Variants in WDR1 observed in about 807,000 individuals in gnomAD.
WDR1 encodes WD repeat domain 1.
A neutral mutation model predicts 71.9 loss-of-function variants in WDR1; 21 were observed. The ratio of observed to expected loss-of-function variants is 0.29; its 90% CI spans 0.21 to 0.42. WDR1 has a LOEUF of 0.42. Ranked by LOEUF, WDR1 falls within the 10% of genes least tolerant of loss-of-function variation. WDR1 has a pLI of 1.00. For synonymous variants in WDR1, 424 were observed against 347.4 expected, an observed-to-expected ratio of 1.22 and a Z score of -2.45; for missense variants, 696 against 824.5, an observed-to-expected ratio of 0.84 and a Z score of 1.91.
At chr4:10,099,170 G>GTT in intron 3 of WDR1, 31 bp from the exon 4 acceptor site, 19 of 801,924 alleles carry the variant, frequency 2.4e-5, no homozygotes, top group Non-Finnish European at 3.3e-5. Context: ...GGGAGGGGGG[G>GTT]AGGCGGTGGT....
In WDR1 at chr4:10,088,759, C is replaced by T; in HGVS notation, c.559-18G>A. 2 of 1,576,860 alleles carry T rather than the reference C, an allele frequency of 1.3e-6. No individual in the cohort carries two copies. The highest frequency in any genetic ancestry group is 1.7e-4 in the Middle Eastern group (1 of 6,022). Reference sequence around the variant, plus strand: ...CTGTGGTCCTGCAGGAAAACAATTACCTGCCTGATGAGGGGCCGCAGGCCT... The same window carrying T: ...CTGTGGTCCTGCAGGAAAACAATTATCTGCCTGATGAGGGGCCGCAGGCCT... On this transcript the variant is annotated intron_variant, in intron 5 of 14. Transcript: ENST00000499869.
intron 11 of WDR1, among the ~76,000 whole-genome samples, 172 bp from the exon 12 acceptor site, chr4:10,079,173 C>T (rs1284977137): frequency 2.6e-5 from 4 of 152,192 alleles, no homozygotes; most frequent in Non-Finnish European, 2.9e-5. Context: ...ACTCATGTCC[C>T]GTTTGACAGT....
At chr4:10,103,736 A>C (rs1712843930) in intron 3 of WDR1, among the ~76,000 whole-genome samples, 160 bp downstream of exon 3, 1 of 152,062 alleles carries the variant, frequency 6.6e-6, no homozygotes, top group Admixed American at 6.5e-5. Flanking sequence ...AGCTGAAACT[A>C]ATTATACTGG....
chr4:10,115,662 G>A lies in WDR1; in HGVS notation c.138+451C>T, dbSNP rs141312564. ...GAGAGTGGTCATCATCTCATCATCT[G>A]TTTTACAGACGAGAAAACTGGGGCT... On this transcript the variant is annotated intron_variant, in intron 2 of 14. Transcript: ENST00000499869. 48 of 155,012 alleles carry A rather than the reference G, an allele frequency of 3.1e-4. 2 individuals carry two copies. In the East Asian group the frequency reaches 9.0e-3, roughly 29 times the overall value. 9.6% of individuals were successfully genotyped at this position (155,012 alleles called of 1,614,324 possible). A position where few individuals can be genotyped will look rare whatever the true frequency, so the allele number is the denominator to read the frequency against.
At chr4:10,116,472 C>G (rs1480627639) in intron 1 of WDR1, 179 bp downstream of exon 1, 2 of 727,636 alleles carry the variant, frequency 2.7e-6, no homozygotes, top group Non-Finnish European at 3.8e-6. Context: ...TGGGGGCGCA[C>G]CCCCCGTCGG....
At position 10,077,111 on chromosome 4, in the gene WDR1, G is replaced by C. The variant is rs548522964; in HGVS notation, c.1714+193C>G. The C allele has an allele frequency of 1.0e-5, 8 of 803,778 alleles. No homozygotes were observed. In the African/African-American group the frequency reaches 1.0e-4, roughly 10 times the overall value. The allele number at this position is 803,778 out of a possible 1,614,324, so 49.8% of individuals were successfully genotyped here. A position where few individuals can be genotyped will look rare whatever the true frequency, so the allele number is the denominator to read the frequency against. On this transcript the variant is annotated intron_variant, in intron 14 of 14. Transcript: ENST00000499869. ...GTGTCCTGTGCATGGGGCCCCCGTG[G>C]TCCCTCAGTACGGCCAGCAGCGCAG...
At chr4:10,084,284 A>G in intron 9 of WDR1, 159 bp downstream of exon 9, 3 of 636,188 alleles carry the variant, frequency 4.7e-6, no homozygotes, top group Non-Finnish European at 8.5e-6. Context: ...GTCCCCATGT[A>G]CAGACAGGCC....
In WDR1 at chr4:10,103,931, T is replaced by C; in HGVS notation, c.194A>G (p.Lys65Arg). 1 of 1,601,700 alleles carries C rather than the reference T, an allele frequency of 6.2e-7. No individual in the cohort carries two copies. Among genetic ancestry groups the C allele is most frequent in the Non-Finnish European group, 8.5e-7 (1 of 1,174,492 alleles). ...TEHAHQVVVA[K>R]YAPSGFYIAS... ...AATGTAGAATCCGCTGGGCGCATAC[T>C]TGGCCACCACCACCTGATGGGCGTG... The change falls in exon 3 of 15, where the codon AAG (lysine) becomes AGG (arginine). Residue 65 changes from lysine (K) to arginine (R), a missense_variant. Coordinates refer to ENST00000499869, the MANE Select transcript of WDR1 (RefSeq NM_017491.5).
chr4:10,077,958 C>A, intron 12 of WDR1, 32 bp from the exon 13 acceptor site: 3 of 1,572,092 alleles, frequency 1.9e-6, no homozygotes, highest in Non-Finnish European at 2.6e-6. Flanking sequence ...AGTGAGCCAC[C>A]CCTGAACACA....
At chr4:10,089,016 C>A (rs879550414) in intron 5 of WDR1, among the ~76,000 whole-genome samples, 2 of 152,312 alleles carry the variant, frequency 1.3e-5, no homozygotes, top group Non-Finnish European at 2.9e-5. Flanking sequence ...ATGCCCCCCC[C>A]AGTGAGGTGC....
intron 5 of WDR1, among the ~76,000 whole-genome samples, chr4:10,090,233 C>T (rs898419376): frequency 2.0e-5 from 3 of 152,276 alleles, no homozygotes; most frequent in Admixed American, 6.5e-5. Flanking sequence ...ATGGCAGCTG[C>T]GGCACACTAA....
intron 5 of WDR1, chr4:10,093,025 C>T (rs1712099032): frequency 7.8e-7 from 1 of 1,282,734 alleles, no homozygotes; most frequent in Non-Finnish European, 1.0e-6. Context: ...TCCCTCCCAC[C>T]AATATGCTCC....
intron 12 of WDR1, 102 bp from the exon 13 acceptor site, chr4:10,078,028 C>T: frequency 7.4e-7 from 1 of 1,360,386 alleles, no homozygotes; most frequent in South Asian, 1.5e-5. Flanking sequence ...GTGCCGTTCC[C>T]ACTGACTGCT....
chr4:10,075,187 T>A lies in WDR1; in HGVS notation c.*191A>T, dbSNP rs1282006445. 2 of 567,750 alleles carry A rather than the reference T, an allele frequency of 3.5e-6. No homozygotes were observed. Among genetic ancestry groups the A allele is most frequent in the African/African-American group, 1.9e-5 (1 of 53,570 alleles). 35.2% of individuals were successfully genotyped at this position (567,750 alleles called of 1,614,324 possible). A position where few individuals can be genotyped will look rare whatever the true frequency, so the allele number is the denominator to read the frequency against. ...CGCTTTATTTTTCATGTGCAAACTG[T>A]TACTGTCTAAAGCTTTCAGAAGAAC... On this transcript the variant is annotated 3_prime_UTR_variant, in exon 15 of 15. Coordinates refer to ENST00000499869, the MANE Select transcript of WDR1 (RefSeq NM_017491.5).
Position 10,116,789 on chromosome 4 carries a change from G to GGGAGT in WDR1, c.-128_-124dup, listed in dbSNP as rs1342859333. On this transcript the variant is annotated 5_prime_UTR_variant, in exon 1 of 15. Transcript: ENST00000499869. ...GCCGGAAGGCGGCACCGGGCGTGCC[G>GGGAGT]GGAGTGGAGTGGGCGGTCCGAGGCC... is the stretch of plus-strand genomic sequence containing the variant. The GGGAGT allele has an allele frequency of 1.7e-6, 2 of 1,162,698 alleles. No individual in the cohort carries two copies. Among genetic ancestry groups the GGGAGT allele is most frequent in the African/African-American group, 3.2e-5 (2 of 61,816 alleles). 72.0% of individuals were successfully genotyped at this position (1,162,698 alleles called of 1,614,324 possible).
chr4:10,088,419 T>C (rs1711737172), intron 6 of WDR1, 46 bp from the exon 7 acceptor site: 2 of 1,520,878 alleles, frequency 1.3e-6, no homozygotes, highest in Non-Finnish European at 1.8e-6. Context: ...GTGAACACCC[T>C]CTGGAGTAAG....
intron 2 of WDR1, 142 bp from the exon 3 acceptor site, chr4:10,104,128 C>T: frequency 2.4e-6 from 2 of 826,764 alleles, no homozygotes; most frequent in Non-Finnish European, 2.0e-6. Flanking sequence ...CAGAAGCATA[C>T]CACTTGCCTA....
rs1347154707 is a variant in WDR1, at chr4:10,088,020, C to T, written c.718-80G>A. ...ACCCCAAAAAGCAGCTTGTCCACTGCGACTGTTTGAGTAGGACAGAAGGAG... is the reference window on the plus strand; with the variant it reads ...ACCCCAAAAAGCAGCTTGTCCACTGTGACTGTTTGAGTAGGACAGAAGGAG... On this transcript the variant is annotated intron_variant, in intron 7 of 14. Coordinates refer to ENST00000499869, the MANE Select transcript of WDR1 (RefSeq NM_017491.5). 2.9e-5 allele frequency: 39 copies of T among 1,349,816 alleles called. No homozygotes were observed. The South Asian group carries it at 3.1e-4, about 11-fold the overall frequency. 83.6% of individuals were successfully genotyped at this position (1,349,816 alleles called of 1,614,324 possible).
rs1477716869 is a variant in WDR1 at position 10,078,831 on chromosome 4, T to C, written c.1395+60A>G. On this transcript the variant is annotated intron_variant, in intron 12 of 14. Coordinates refer to ENST00000499869, the MANE Select transcript of WDR1 (RefSeq NM_017491.5). The stretch of plus-strand genomic sequence containing the variant: ...GCCCCGGTACTCACACAGCTCACAC[T>C]GTCCCCAAATCACCCAGATACCAAG... 5 of 1,446,440 alleles carry C rather than the reference T, an allele frequency of 3.5e-6. No individual in the cohort carries two copies. The African/African-American group carries it at 5.6e-5, about 16-fold the overall frequency. The allele number at this position is 1,446,440 out of a possible 1,614,324, so 89.6% of individuals were successfully genotyped here.
Sources: gnomAD v4.1 joint callset for allele counts (sites outside exome capture counted in the v4.1 genomes callset) on GRCh38, gnomAD v4.1.1 for gene constraint, MANE v1.5 for transcripts, NCBI Gene and HGNC (gene_info 2026-07-23, HGNC 2026-07-21) for gene names.